FBXL17: variants seen among roughly 807,000 people sequenced by gnomAD.
FBXL17 encodes F-box and leucine rich repeat protein 17, also known as F-box/LRR-repeat protein 17.
In FBXL17, 22 loss-of-function variants were observed where a neutral mutation model predicts 66.2. The ratio of observed to expected loss-of-function variants is 0.33; its 90% CI spans 0.24 to 0.47. The LOEUF (loss-of-function observed/expected upper bound fraction) is 0.47, where lower values mean the gene tolerates loss of function less well. FBXL17 is among the 20% of genes least tolerant of loss of function. The pLI is 1.00. For synonymous variants in FBXL17, 474 were observed against 400.5 expected (o/e 1.18, Z -2.19); for missense variants, 878 against 948.2 (o/e 0.93, Z 0.97).
At chr5:108,361,493 C>T (rs1307920889) in intron 3 of FBXL17, among the ~76,000 whole-genome samples, 2 of 152,064 alleles carry the variant, frequency 1.3e-5, no homozygotes, top group Non-Finnish European at 2.9e-5. Context: ...AGTTTACAGT[C>T]TTCTTAGGTC....
At chr5:108,005,093 C>CTTTTTTTTTTTTTT (rs35383958) in intron 7 of FBXL17, among the ~76,000 whole-genome samples, 2 of 143,756 alleles carry the variant, frequency 1.4e-5, no homozygotes, top group Non-Finnish European at 1.5e-5. Flanking sequence ...TTTTCAATGA[C>CTTTTTTTTTTTTTT]TTTTTTTTTT....
intron 6 of FBXL17, among the ~76,000 whole-genome samples, chr5:108,096,535 G>T (rs1749373675): frequency 6.6e-6 from 1 of 152,198 alleles, no homozygotes. Context: ...ATGGGACACA[G>T]AGAAGGAGAA....
At chr5:108,248,768 T>C (rs187798960) in intron 4 of FBXL17, among the ~76,000 whole-genome samples, 3 of 152,142 alleles carry the variant, frequency 2.0e-5, no homozygotes, top group East Asian at 3.9e-4. Context: ...TCAGAAACCA[T>C]GTAAGCCAGA....
chr5:107,874,855 G>A (rs1351539995), intron 8 of FBXL17, among the ~76,000 whole-genome samples: 1 of 152,208 alleles, frequency 6.6e-6, no homozygotes, highest in African/African-American at 2.4e-5. Context: ...GCTCCTATGT[G>A]AAAATCACCT....
At chr5:108,144,745 A>G (rs1283461609) in intron 6 of FBXL17, among the ~76,000 whole-genome samples, 1 of 152,180 alleles carries the variant, frequency 6.6e-6, no homozygotes, top group Admixed American at 6.5e-5. Context: ...TAATCTACTG[A>G]AATTCTCCAA....
intron 1 of FBXL17, among the ~76,000 whole-genome samples, chr5:108,370,043 T>C (rs1425238286): frequency 1.3e-5 from 2 of 152,138 alleles, no homozygotes; most frequent in Non-Finnish European, 2.9e-5. Flanking sequence ...CACTCACTCA[T>C]ACCGGGACCA....
chr5:108,071,308 G>A (rs928714933), intron 6 of FBXL17, among the ~76,000 whole-genome samples: 27 of 152,170 alleles, frequency 1.8e-4, no homozygotes, highest in Admixed American at 1.2e-3. Flanking sequence ...TTAAGGCATT[G>A]GAGCATAATC....
intron 7 of FBXL17, among the ~76,000 whole-genome samples, chr5:107,929,408 A>G (rs1281714536): frequency 6.6e-6 from 1 of 152,158 alleles, no homozygotes; most frequent in Non-Finnish European, 1.5e-5. Flanking sequence ...AATTACCTTT[A>G]CTACTACTTA....
chr5:108,026,981 T>G (rs941532670), intron 6 of FBXL17, among the ~76,000 whole-genome samples: 8 of 152,176 alleles, frequency 5.3e-5, no homozygotes, highest in Non-Finnish European at 1.0e-4. Context: ...TGTCATTTGC[T>G]GATTCTTTCT....
At chr5:108,108,668 A>G (rs914410049) in intron 6 of FBXL17, among the ~76,000 whole-genome samples, 11 of 152,146 alleles carry the variant, frequency 7.2e-5, no homozygotes, top group African/African-American at 2.7e-4. Context: ...TTTCAGCACT[A>G]AGTAGAACAC....
intron 6 of FBXL17, among the ~76,000 whole-genome samples, chr5:108,119,577 G>C (rs1283562636): frequency 6.6e-6 from 1 of 152,106 alleles, no homozygotes; most frequent in Non-Finnish European, 1.5e-5. Flanking sequence ...CTGGAATATA[G>C]GCCTTAAGCA....
chr5:107,988,959 T>C (rs1373440418), intron 7 of FBXL17, among the ~76,000 whole-genome samples: 1 of 152,084 alleles, frequency 6.6e-6, no homozygotes, highest in Non-Finnish European at 1.5e-5. Flanking sequence ...ACTCATATCA[T>C]GGCTATTTGC....
intron 7 of FBXL17, among the ~76,000 whole-genome samples, chr5:108,016,190 C>G (rs1754379334): frequency 6.6e-6 from 1 of 152,136 alleles, no homozygotes; most frequent in African/African-American, 2.4e-5. Flanking sequence ...CAGAGCAATT[C>G]AAAAGTTTTG....
chr5:107,933,855 G>C (rs1750809623), intron 7 of FBXL17, among the ~76,000 whole-genome samples: 1 of 152,012 alleles, frequency 6.6e-6, no homozygotes, highest in Non-Finnish European at 1.5e-5. Flanking sequence ...ACATAGATAG[G>C]GATTGGGGAA....
intron 6 of FBXL17, among the ~76,000 whole-genome samples, chr5:108,038,797 G>C (rs1194610502): frequency 6.6e-6 from 1 of 152,022 alleles, no homozygotes. Context: ...GTAAAAGTTG[G>C]TAAAACTTAA....
At chr5:108,191,603 T>C (rs1753472944) in intron 5 of FBXL17, among the ~76,000 whole-genome samples, 1 of 152,166 alleles carries the variant, frequency 6.6e-6, no homozygotes, top group South Asian at 2.1e-4. Flanking sequence ...GATAGAGAGA[T>C]GTTGGCAAAT....
In FBXL17 at chr5:108,166,877, A is replaced by C. The variant is rs369299277; in HGVS notation, c.1745+19240T>G. ...TGCTTCCTGGAATAATTTGAATTTCACTGAATCTCCTATTAATCCATTAGA... is the reference window on the plus strand; with the variant it reads ...TGCTTCCTGGAATAATTTGAATTTCCCTGAATCTCCTATTAATCCATTAGA... On this transcript the variant is annotated intron_variant, in intron 6 of 8. Coordinates refer to ENST00000542267, the MANE Select transcript of FBXL17 (RefSeq NM_001163315.3). Among the ~76,000 whole-genome samples the C allele has an allele frequency of 9.1e-4, 139 of 152,354 alleles. 2 individuals are homozygous for C. In the South Asian group the frequency reaches 0.027, roughly 30 times the overall value.
intron 5 of FBXL17, among the ~76,000 whole-genome samples, chr5:108,187,406 A>G (rs1753280925): frequency 6.6e-6 from 1 of 152,214 alleles, no homozygotes; most frequent in African/African-American, 2.4e-5. Context: ...AGATGTGATT[A>G]AAGGTATGGA....
intron 4 of FBXL17, among the ~76,000 whole-genome samples, chr5:108,243,615 T>C (rs1022395578): frequency 2.0e-5 from 3 of 152,298 alleles, no homozygotes; most frequent in African/African-American, 7.2e-5. Context: ...TGGTTAAGTG[T>C]TTTAACTCTC....
Sources: allele counts gnomAD v4.1 joint callset (sites outside exome capture counted in the v4.1 genomes callset), GRCh38; gene constraint gnomAD v4.1.1; transcripts MANE v1.5; gene names NCBI Gene and HGNC (gene_info 2026-07-23, HGNC 2026-07-21).